The following SDK1 variants were observed in gnomAD, a reference collection of about 807,000 sequenced individuals.
SDK1 encodes the protein protein sidekick-1.
A neutral mutation model predicts 245.5 loss-of-function variants in SDK1; 157 were observed. The observed-to-expected ratio is 0.64, with a 90% confidence interval of 0.56 to 0.73. The LOEUF (loss-of-function observed/expected upper bound fraction) is 0.73, where lower values mean the gene tolerates loss of function less well. Among genes scored for constraint, SDK1 ranks in the 30% least tolerant of loss-of-function variants. The probability of loss-of-function intolerance (pLI) is 0.00; values close to 1 mark genes in which losing one functional copy is unlikely to be tolerated. For missense variants in SDK1, 3,583 were observed against 3,002.3 expected (o/e 1.19, Z -4.52); for synonymous variants, 1,647 against 1,278.5 (o/e 1.29, Z -6.15).
intron 21 of SDK1, among the ~76,000 whole-genome samples, chr7:4,077,857 T>A (rs556128187): frequency 1.3e-5 from 2 of 152,242 alleles, no homozygotes; most frequent in African/African-American, 4.8e-5. Flanking sequence ...AAGATGAGAT[T>A]TGAGTGGGGA....
intron 40 of SDK1, among the ~76,000 whole-genome samples, chr7:4,223,886 T>C (rs151242195): frequency 7.8e-4 from 119 of 152,334 alleles, no homozygotes; most frequent in African/African-American, 2.6e-3. Context: ...CAATGCTGTT[T>C]AGATGTGTCC....
At chr7:3,468,626 A>G (rs1781086168) in intron 1 of SDK1, among the ~76,000 whole-genome samples, 1 of 144,956 alleles carries the variant, frequency 6.9e-6, no homozygotes, top group Admixed American at 6.6e-5. Flanking sequence ...GTCCTCCCTT[A>G]TACCCAGAAG....
At chr7:3,866,956 C>T (rs1411984647) in intron 5 of SDK1, among the ~76,000 whole-genome samples, 1 of 152,164 alleles carries the variant, frequency 6.6e-6, no homozygotes, top group African/African-American at 2.4e-5. Flanking sequence ...AGGCCTTAGG[C>T]TGGTGAAATG....
rs1325734718 is a variant in SDK1 at position 3,347,887 on chromosome 7, AAT to A, written c.298+46006_298+46007del. Among the ~76,000 whole-genome samples, 6 of 100,274 alleles carry A rather than the reference AAT, an allele frequency of 6.0e-5. No individual in the cohort carries two copies. The East Asian group carries it at 7.8e-4, about 13-fold the overall frequency. 65.8% of individuals were successfully genotyped at this position (100,274 alleles called of 152,430 possible). A position where few individuals can be genotyped will look rare whatever the true frequency, so the allele number is the denominator to read the frequency against. Reference sequence around the variant, plus strand: ...TATCGAGCCAGTTACAAACACATTAAATATGTTTTTTTTTTTTTCCTTTTGTG... The same window carrying A: ...TATCGAGCCAGTTACAAACACATTAAATGTTTTTTTTTTTTTCCTTTTGTG... On this transcript the variant is annotated intron_variant, in intron 1 of 44. Coordinates refer to ENST00000404826, the MANE Select transcript of SDK1 (RefSeq NM_152744.4).
rs554512642 is a variant in SDK1 at position 4,105,859 on chromosome 7, G to C, written c.3325-4804G>C. ...CTCTGAGAGGGGGAAGAGTGGTGCAGGGGGACAGGTGTTGGAGACTGCGTG... is the reference window on the plus strand; with the variant it reads ...CTCTGAGAGGGGGAAGAGTGGTGCACGGGGACAGGTGTTGGAGACTGCGTG... On this transcript the variant is annotated intron_variant, in intron 22 of 44. Transcript: ENST00000404826. Among the ~76,000 whole-genome samples, 4 of 152,300 alleles carry C rather than the reference G, an allele frequency of 2.6e-5. No homozygotes were observed. In the East Asian group the frequency reaches 5.8e-4, roughly 22 times the overall value.
At chr7:3,639,445 A>G (rs534196660) in intron 3 of SDK1, among the ~76,000 whole-genome samples, 12 of 152,334 alleles carry the variant, frequency 7.9e-5, no homozygotes, top group African/African-American at 2.9e-4. Context: ...TTTTTAAAGT[A>G]TAAAGTTCAA....
intron 4 of SDK1, among the ~76,000 whole-genome samples, chr7:3,663,593 G>C (rs558914638): frequency 6.6e-6 from 1 of 152,162 alleles, no homozygotes; most frequent in Non-Finnish European, 1.5e-5. Flanking sequence ...GGGACAGTGT[G>C]TGTGACATGC....
At chr7:3,800,424 C>A (rs576318722) in intron 4 of SDK1, among the ~76,000 whole-genome samples, 347 of 151,946 alleles carry the variant, frequency 2.3e-3, no homozygotes, top group Non-Finnish European at 3.7e-3. Flanking sequence ...CTCTGTCACC[C>A]AGGCTGGAGT....
chr7:3,776,223 G>C (rs761426784), intron 4 of SDK1, among the ~76,000 whole-genome samples: 19 of 152,240 alleles, frequency 1.2e-4, no homozygotes, highest in Non-Finnish European at 2.1e-4. Context: ...CTTCAGAAGA[G>C]AGAAACTTGT....
chr7:3,466,913 C>T (rs978975856), intron 1 of SDK1, among the ~76,000 whole-genome samples: 1 of 150,076 alleles, frequency 6.7e-6, no homozygotes, highest in Non-Finnish European at 1.5e-5. Flanking sequence ...TATTTACAAA[C>T]CATCCAATTC....
chr7:3,716,924 A>G (rs1044131004), intron 4 of SDK1, among the ~76,000 whole-genome samples: 1 of 152,186 alleles, frequency 6.6e-6, no homozygotes, highest in African/African-American at 2.4e-5. Context: ...AAATAAGTGG[A>G]TAATAGGGGT....
rs1181876058 is a variant in SDK1 at position 3,505,532 on chromosome 7, T to C, written c.299-113548T>C. On this transcript the variant is annotated intron_variant, in intron 1 of 44. Transcript: ENST00000404826. ...TCCCATAGTGCTATGGTGATAGGCA[T>C]GAGCCACTGCACTTGGCTTATTGTT... 2.0e-5 allele frequency among the ~76,000 whole-genome samples: 3 copies of C among 152,236 alleles called. No homozygotes were observed. The East Asian group carries it at 5.8e-4, about 29-fold the overall frequency.
At chr7:3,490,671 A>T (rs1396702810) in intron 1 of SDK1, among the ~76,000 whole-genome samples, 1 of 152,216 alleles carries the variant, frequency 6.6e-6, no homozygotes, top group African/African-American at 2.4e-5. Context: ...AAATGGTTGA[A>T]TGGGTAAGAA....
At chr7:3,536,070 T>TC (rs1456433596) in intron 1 of SDK1, among the ~76,000 whole-genome samples, 1 of 151,986 alleles carries the variant, frequency 6.6e-6, no homozygotes. Flanking sequence ...AATTTTTTTT[T>TC]TTCTTAGACG....
At chr7:3,619,363 A>G (rs1781865294) in intron 2 of SDK1, 124 bp downstream of exon 2, 2 of 753,036 alleles carry the variant, frequency 2.7e-6, no homozygotes, top group Admixed American at 2.5e-5. Flanking sequence ...ATTCAAGATT[A>G]AAGGAATAGA....
chr7:4,113,713 C>CT (rs1783501504), intron 24 of SDK1, among the ~76,000 whole-genome samples: 1 of 152,176 alleles, frequency 6.6e-6, no homozygotes, highest in African/African-American at 2.4e-5. Flanking sequence ...CACCAGAACT[C>CT]TAAGTCCTTA....
At chr7:4,035,546 C>T (rs6462542) in intron 17 of SDK1, among the ~76,000 whole-genome samples, 47,446 of 151,750 alleles carry the variant, frequency 0.31, 11,585 homozygotes, top group African/African-American at 0.69. Flanking sequence ...AAGACAGTTG[C>T]ATGAGTATTG....
intron 5 of SDK1, among the ~76,000 whole-genome samples, chr7:3,831,098 T>C (rs934394601): frequency 1.3e-5 from 2 of 152,174 alleles, no homozygotes; most frequent in African/African-American, 4.8e-5. Context: ...GGATGGAAAA[T>C]TGAATTTTTC....
Position 4,208,155 on chromosome 7 carries a change from C to G in SDK1, c.5271C>G (p.Phe1757Leu). The change falls in exon 37 of 45, where the codon TTC becomes TTG. Residue 1757 changes from phenylalanine (F) to leucine (L), a missense_variant. By Grantham distance (22) the Phe-to-Leu change is conservative. Transcript: ENST00000404826. ...QNETEKMKVL[F>L]LPEPVVRLKN... Reference sequence around the variant, plus strand: ...AAACGGAGAAAATGAAGGTCCTCTTCCTCCCCGAGCCCGTGGTGAGGCTGA... The same window carrying G: ...AAACGGAGAAAATGAAGGTCCTCTTGCTCCCCGAGCCCGTGGTGAGGCTGA... 1 of 1,614,072 alleles carries G rather than the reference C, an allele frequency of 6.2e-7. No individual in the cohort carries two copies. Among genetic ancestry groups the G allele is most frequent in the East Asian group, 2.2e-5 (1 of 44,870 alleles).
Sources: gnomAD v4.1 joint callset for allele counts (sites outside exome capture counted in the v4.1 genomes callset) on GRCh38, gnomAD v4.1.1 for gene constraint, MANE v1.5 for transcripts, NCBI Gene and HGNC (gene_info 2026-07-23, HGNC 2026-07-21) for gene names.